Variants in YAE1 observed in about 807,000 individuals in gnomAD.
The protein encoded by YAE1 is protein YAE1 homolog.
YAE1 carries 22 observed loss-of-function variants against 23.0 expected under a neutral mutation model. The observed-to-expected ratio is 0.96, with a 90% CI of 0.68 to 1.37. The LOEUF (loss-of-function observed/expected upper bound fraction) is 1.37, where lower values mean the gene tolerates loss of function less well. Ranked by LOEUF, YAE1 falls within the 40% of genes most tolerant of loss-of-function variation. YAE1 has a pLI of 0.00. For missense variants in YAE1, 260 were observed against 262.1 expected (o/e 0.99, Z 0.06); for synonymous variants, 101 against 97.0 (o/e 1.04, Z -0.24).
At chr7:39,580,075 A>C (rs1223660626) in intron 2 of YAE1, among the ~76,000 whole-genome samples, 1 of 152,204 alleles carries the variant, frequency 6.6e-6, no homozygotes, top group East Asian at 1.9e-4. Flanking sequence ...AATAACCAAC[A>C]GTTATAAGGA....
chr7:39,579,116 A>C (rs535248289), intron 2 of YAE1, among the ~76,000 whole-genome samples: 2 of 152,328 alleles, frequency 1.3e-5, no homozygotes, highest in Non-Finnish European at 2.9e-5. Context: ...AGTGTTTACT[A>C]TATGTAGGCA....
intron 2 of YAE1, among the ~76,000 whole-genome samples, chr7:39,583,963 TTTTCTCC>T (rs1384071377): frequency 6.6e-6 from 1 of 152,202 alleles, no homozygotes; most frequent in Non-Finnish European, 1.5e-5. Context: ...TATTATTGTA[TTTTCTCC>T]TGAACATCAT....
At chr7:39,604,739 G>A (rs1017793139) in intron 2 of YAE1, among the ~76,000 whole-genome samples, 1 of 152,098 alleles carries the variant, frequency 6.6e-6, no homozygotes, top group Non-Finnish European at 1.5e-5. Flanking sequence ...CCTCAAAGTT[G>A]ATTTTTCCCT....
rs762732376 is a variant in YAE1, at chr7:39,572,314, T to G, written c.289T>G (p.Ser97Ala). The G allele has an allele frequency of 1.2e-5, 19 of 1,613,658 alleles. No homozygotes were observed. In the Admixed American group the frequency reaches 3.2e-4, roughly 27 times the overall value. The stretch of plus-strand genomic sequence containing the variant: ...CTGGTGTCACCTTCATAATAATAAT[T>G]CAACTTTGATCAATAAAATAAACAA... ...LSWCHLHNNN[S>A]TLINKINNLL... The change falls in exon 3 of 3, where the codon TCA becomes GCA. Residue 97 changes from serine (S) to alanine (A), a missense_variant. Coordinates refer to ENST00000223273, the MANE Select transcript of YAE1 (RefSeq NM_020192.5).
chr7:39,597,726 T>C (rs1417485441), intron 2 of YAE1, among the ~76,000 whole-genome samples: 1 of 152,182 alleles, frequency 6.6e-6, no homozygotes, highest in African/African-American at 2.4e-5. Flanking sequence ...AAAGTAGGAT[T>C]ATTTTCTTTT....
At chr7:39,591,256 G>C (rs1459604304) in intron 2 of YAE1, among the ~76,000 whole-genome samples, 2 of 152,028 alleles carry the variant, frequency 1.3e-5, no homozygotes, top group Non-Finnish European at 1.5e-5. Flanking sequence ...ATTTATTGGT[G>C]GGGGGGACAC....
chr7:39,609,474 G>A, intron 2 of YAE1: 6 of 1,114,564 alleles, frequency 5.4e-6, no homozygotes, highest in Non-Finnish European at 7.5e-6. Context: ...AATGGGGAAA[G>A]TTGGGGGGTT....
intron 2 of YAE1, among the ~76,000 whole-genome samples, chr7:39,584,280 A>G (rs1790782466): frequency 6.6e-6 from 1 of 152,104 alleles, no homozygotes; most frequent in Non-Finnish European, 1.5e-5. Context: ...CTCAGGGCAT[A>G]TTTTTTGTTT....
chr7:39,605,119 A>C (rs1453914232), intron 2 of YAE1, among the ~76,000 whole-genome samples: 8 of 152,206 alleles, frequency 5.3e-5, no homozygotes, highest in Non-Finnish European at 1.2e-4. Context: ...GAAATTTCCA[A>C]GAAGACCGTA....
exon 3 of YAE1, chr7:39,610,229 T>A: frequency 1.7e-6 from 1 of 584,758 alleles, no homozygotes; most frequent in Non-Finnish European, 3.1e-6. Context: ...AATTCACACA[T>A]GAGCAGATTA....
intron 2 of YAE1, 77 bp downstream of exon 2, chr7:39,570,704 T>A: frequency 6.7e-7 from 1 of 1,494,000 alleles, no homozygotes. Context: ...AATAAAGTGT[T>A]TAAACTGAAA....
At chr7:39,599,051 C>G (rs1791017611) in intron 2 of YAE1, among the ~76,000 whole-genome samples, 1 of 151,776 alleles carries the variant, frequency 6.6e-6, no homozygotes, top group African/African-American at 2.4e-5. Flanking sequence ...ACCAGCCTGG[C>G]CAACATGGTG....
At chr7:39,577,860 C>T (rs186651266), downstream of YAE1, among the ~76,000 whole-genome samples, 24 of 152,310 alleles carry the variant, frequency 1.6e-4, no homozygotes, top group Admixed American at 1.2e-3. Flanking sequence ...CAGCTGGGCT[C>T]GTGAGTCTAG....
intron 2 of YAE1, among the ~76,000 whole-genome samples, chr7:39,578,560 C>G (rs1447813321): frequency 1.3e-5 from 2 of 152,172 alleles, no homozygotes; most frequent in Non-Finnish European, 2.9e-5. Context: ...AGACCACGAA[C>G]CCATTGGAAG....
intron 2 of YAE1, chr7:39,609,489 C>A: frequency 1.5e-6 from 2 of 1,300,762 alleles, no homozygotes; most frequent in Non-Finnish European, 2.1e-6. Context: ...GGGGTTGTAA[C>A]AGAGACAAAT....
intron 2 of YAE1, 128 bp from the exon 3 acceptor site, chr7:39,572,149 A>G (rs17171599): frequency 0.11 from 104,568 of 990,908 alleles, 6,564 homozygotes; most frequent in African/African-American, 0.26. Context: ...ATATAGAGTT[A>G]TGAAAGAGGG....
downstream of YAE1, among the ~76,000 whole-genome samples, chr7:39,573,704 T>A (rs1461354548): frequency 6.6e-6 from 1 of 152,166 alleles, no homozygotes; most frequent in Non-Finnish European, 1.5e-5. Flanking sequence ...AGATGAAGAA[T>A]CTGACAAAGT....
chr7:39,599,892 A>G (rs1391121814), intron 2 of YAE1, among the ~76,000 whole-genome samples: 1 of 151,996 alleles, frequency 6.6e-6, no homozygotes, highest in Non-Finnish European at 1.5e-5. Context: ...CCCGGCCTGA[A>G]GTGTTGTTTT....
intron 2 of YAE1, among the ~76,000 whole-genome samples, chr7:39,599,226 A>G (rs1791019879): frequency 6.6e-6 from 1 of 151,802 alleles, no homozygotes; most frequent in African/African-American, 2.4e-5. Flanking sequence ...GATGACAGAG[A>G]GACATGGTCT....
Sources: allele counts gnomAD v4.1 joint callset (sites outside exome capture counted in the v4.1 genomes callset), GRCh38; gene constraint gnomAD v4.1.1; transcripts MANE v1.5; gene names NCBI Gene and HGNC (gene_info 2026-07-23, HGNC 2026-07-21).